WDR35: variants seen among roughly 807,000 people sequenced by gnomAD.
The protein encoded by WDR35 is WD repeat-containing protein 35.
WDR35 carries 118 observed loss-of-function variants against 158.3 expected under a neutral mutation model. That is an observed-to-expected ratio of 0.75 (90% CI 0.64 to 0.87). The LOEUF (loss-of-function observed/expected upper bound fraction) is 0.87, where lower values mean the gene tolerates loss of function less well. Ranked by LOEUF, WDR35 falls within the 40% of genes least tolerant of loss-of-function variation. The pLI is 0.00. For synonymous variants in WDR35, 448 were observed against 476.1 expected (o/e 0.94, Z 0.77); for missense variants, 1,263 against 1,405.8 (o/e 0.90, Z 1.62).
At chr2:19,946,435 T>A (rs1671055164) in intron 15 of WDR35, 26 bp downstream of exon 15, 1 of 1,570,054 alleles carries the variant, frequency 6.4e-7, no homozygotes, top group Non-Finnish European at 8.8e-7. Flanking sequence ...GTCTAACATC[T>A]ACATGAGCAG....
rs975743231 is a variant in WDR35, at chr2:19,938,496, A to G, written c.1927-95T>C. 2.8e-6 allele frequency: 4 copies of G among 1,449,846 alleles called. No homozygotes were observed. The African/African-American group carries it at 5.7e-5, about 21-fold the overall frequency. 89.8% of individuals were successfully genotyped at this position (1,449,846 alleles called of 1,614,324 possible). A position where few individuals can be genotyped will look rare whatever the true frequency, so the allele number is the denominator to read the frequency against. ...AAAAACCAGAACAAAACAAAACAAGAAAAAAAACGGCATCATATTGTGAGC... is the reference window on the plus strand; with the variant it reads ...AAAAACCAGAACAAAACAAAACAAGGAAAAAAACGGCATCATATTGTGAGC... On this transcript the variant is annotated intron_variant, in intron 17 of 26. Coordinates refer to ENST00000281405, the MANE Select transcript of WDR35 (RefSeq NM_020779.4).
intron 25 of WDR35, among the ~76,000 whole-genome samples, chr2:19,921,281 G>C (rs1257523208): frequency 6.6e-6 from 1 of 152,076 alleles, no homozygotes. Context: ...ACAATCCTAA[G>C]CAAAAAGAAC....
At chr2:19,954,278 G>C (rs188066699) in intron 11 of WDR35, among the ~76,000 whole-genome samples, 4 of 152,254 alleles carry the variant, frequency 2.6e-5, no homozygotes, top group Admixed American at 2.6e-4. Context: ...TGGCTTCTTA[G>C]ATATGACACC....
At chr2:19,916,202 C>T (rs773352564) in intron 25 of WDR35, among the ~76,000 whole-genome samples, 14 of 152,182 alleles carry the variant, frequency 9.2e-5, no homozygotes, top group African/African-American at 2.7e-4. Flanking sequence ...CCGTGCACTC[C>T]GGCCCAGATA....
At chr2:19,967,507 G>C (rs1671895595) in intron 9 of WDR35, among the ~76,000 whole-genome samples, 1 of 151,658 alleles carries the variant, frequency 6.6e-6, no homozygotes, top group Non-Finnish European at 1.5e-5. Context: ...ATTGATTATG[G>C]AACTTACACA....
At chr2:19,980,203 A>G (rs1462754) in intron 4 of WDR35, among the ~76,000 whole-genome samples, 30,401 of 152,164 alleles carry the variant, frequency 0.2, 3,336 homozygotes, top group East Asian at 0.4. Flanking sequence ...TCATTCATTC[A>G]ACAAATATTT....
Position 19,982,489 on chromosome 2 carries a change from A to G in WDR35, c.188T>C (p.Met63Thr), listed in dbSNP as rs1672414100. 6.2e-7 allele frequency: 1 copy of G among 1,613,956 alleles called. No homozygotes were observed. The highest frequency in any genetic ancestry group is 8.5e-7 in the Non-Finnish European group (1 of 1,179,908). The change falls in exon 3 of 27, where the codon ATG (methionine) becomes ACG (threonine). Residue 63 changes from methionine to threonine, a missense_variant. Met to Thr is a moderately conservative substitution (Grantham distance 81). Transcript: ENST00000281405. ...ACTATGACCTTCAAGAGTCTGATTC[A>G]TAGAAAGGTTACTGGGGGCTGCAAG... ...RGLAAPSNLSMNQTLEGHSGS... is the reference protein window; with the variant it reads ...RGLAAPSNLSTNQTLEGHSGS...
chr2:19,956,476 T>C (rs1257284492), intron 11 of WDR35, among the ~76,000 whole-genome samples: 5 of 152,210 alleles, frequency 3.3e-5, no homozygotes, highest in African/African-American at 1.2e-4. Context: ...TCTCTCAGTT[T>C]ACTTACTGTA....
chr2:19,960,488 G>C, intron 11 of WDR35, 66 bp downstream of exon 11: 1 of 1,318,818 alleles, frequency 7.6e-7, no homozygotes, highest in Non-Finnish European at 1.1e-6. Flanking sequence ...ACCAGTGTTA[G>C]GTTTTTAAAT....
At position 19,934,532 on chromosome 2, in the gene WDR35, T is replaced by C. The variant is rs1234164159; in HGVS notation, c.2547+939A>G. On this transcript the variant is annotated intron_variant, in intron 21 of 26. Transcript: ENST00000281405. This position sits in a 1 kb window ranked among gnomAD's most constrained non-coding sequence, Gnocchi z 4.6. ...ATTTATAATACTAAAATTTTTACTA[T>C]TTTAGTTATTTAATTATCATTATAG... 6.6e-6 allele frequency among the ~76,000 whole-genome samples: 1 copy of C among 152,040 alleles called. No homozygotes were observed. The highest frequency in any genetic ancestry group is 6.6e-5 in the Admixed American group (1 of 15,262).
intron 15 of WDR35, 144 bp downstream of exon 15, chr2:19,946,317 G>C (rs544117203): frequency 2.1e-5 from 16 of 770,914 alleles, no homozygotes; most frequent in African/African-American, 1.7e-4. Context: ...TAAACCAAAT[G>C]CAGTATAAAA....
intron 10 of WDR35, 45 bp from the exon 11 acceptor site, chr2:19,960,659 A>G: frequency 1.4e-6 from 2 of 1,394,320 alleles, no homozygotes; most frequent in Non-Finnish European, 2.0e-6. Context: ...CTGCTTATGA[A>G]TAATAAAGGA....
intron 13 of WDR35, 59 bp from the exon 14 acceptor site, chr2:19,948,276 G>T (rs561427579): frequency 1.6e-4 from 236 of 1,431,540 alleles, no homozygotes; most frequent in Non-Finnish European, 2.2e-4. Flanking sequence ...AACTAACCTG[G>T]TACAACGTAG....
At chr2:19,961,595 T>A (rs1180432231) in intron 10 of WDR35, among the ~76,000 whole-genome samples, 1 of 152,194 alleles carries the variant, frequency 6.6e-6, no homozygotes, top group Non-Finnish European at 1.5e-5. Context: ...GCCTGTATGA[T>A]CCTGAATGCA....
At chr2:19,982,616 G>A in intron 2 of WDR35, 82 bp from the exon 3 acceptor site, 1 of 1,427,714 alleles carries the variant, frequency 7.0e-7, no homozygotes, top group South Asian at 1.2e-5. Flanking sequence ...TGTATTCCTG[G>A]GCAGTATTAA....
chr2:19,989,016 T>C (rs980216577), intron 2 of WDR35, 149 bp downstream of exon 2: 1 of 774,188 alleles, frequency 1.3e-6, no homozygotes, highest in Non-Finnish European at 2.3e-6. Context: ...TTATTGCAAA[T>C]ATACTCCAGA....
chr2:19,956,667 C>A (rs1306738789), intron 11 of WDR35, among the ~76,000 whole-genome samples: 1 of 143,938 alleles, frequency 6.9e-6, no homozygotes, highest in Non-Finnish European at 1.5e-5. Context: ...GTCGCCCAGG[C>A]TGGAGTGCAG....
At chr2:19,961,024 G>A (rs1420855371) in intron 10 of WDR35, among the ~76,000 whole-genome samples, 1 of 152,112 alleles carries the variant, frequency 6.6e-6, no homozygotes, top group Admixed American at 6.6e-5. Flanking sequence ...TGTTTGAACA[G>A]GATCTAGTTT....
intron 5 of WDR35, among the ~76,000 whole-genome samples, chr2:19,978,011 C>T (rs1434916567): frequency 6.6e-6 from 1 of 152,192 alleles, no homozygotes; most frequent in Non-Finnish European, 1.5e-5. Context: ...GGCACTTCTA[C>T]ATGCTCCTGT....
Sources: allele counts gnomAD v4.1 joint callset (sites outside exome capture counted in the v4.1 genomes callset), GRCh38; gene constraint gnomAD v4.1.1; non-coding constraint Gnocchi (gnomAD v3.1); transcripts MANE v1.5; gene names NCBI Gene and HGNC (gene_info 2026-07-23, HGNC 2026-07-21).